The following E2F5 variants were observed in gnomAD, a reference collection of about 807,000 sequenced individuals.
The protein encoded by E2F5 is E2F transcription factor 5.
E2F5 carries 23 observed loss-of-function variants against 39.1 expected under a neutral mutation model. That is an observed-to-expected ratio of 0.59 (90% CI 0.42 to 0.83). The LOEUF is 0.83. E2F5 is among the 40% of genes least tolerant of loss of function. The pLI, the probability that E2F5 is intolerant of heterozygous loss-of-function variation, is 0.00. For missense variants in E2F5, 365 were observed against 406.7 expected, an observed-to-expected ratio of 0.90 and a Z score of 0.88; for synonymous variants, 145 against 157.8, an observed-to-expected ratio of 0.92 and a Z score of 0.61.
chr8:85,213,542 T>TAAAAAAA (rs536955367), intron 7 of E2F5: 3,419 of 121,068 alleles, frequency 0.028, 73 homozygotes, highest in South Asian at 0.05. Context: ...GACTCCATCT[T>TAAAAAAA]AAAAAAAAAA....
chr8:85,194,533 CTTTTTTTTT>C lies in E2F5; in HGVS notation c.235-7603_235-7595del. 6.3e-5 allele frequency among the ~76,000 whole-genome samples: 8 copies of C among 127,996 alleles called. 2 individuals are homozygous for C. The Admixed American group carries it at 6.3e-4, about 10-fold the overall frequency. The allele number at this position is 127,996 out of a possible 152,430, so 84.0% of individuals were successfully genotyped here. A position where few individuals can be genotyped will look rare whatever the true frequency, so the allele number is the denominator to read the frequency against. On this transcript the variant is annotated intron_variant, in intron 1 of 7. Transcript: ENST00000416274. Reference sequence around the variant, plus strand: ...CTTTGTTGTTTTTTTGTTTGTTTCTCTTTTTTTTTTTTTTTTTTTGAGACAGAGTCTCAC... The same window carrying C: ...CTTTGTTGTTTTTTTGTTTGTTTCTCTTTTTTTTTTGAGACAGAGTCTCAC...
Position 85,184,804 on chromosome 8 carries a change from A to G in E2F5, c.234+7150A>G, listed in dbSNP as rs190247235. Among the ~76,000 whole-genome samples the G allele has an allele frequency of 6.6e-5, 10 of 152,356 alleles. No homozygotes were observed. The East Asian group carries it at 1.5e-3, about 23-fold the overall frequency. On this transcript the variant is annotated intron_variant, in intron 1 of 7. Coordinates refer to ENST00000416274, the MANE Select transcript of E2F5 (RefSeq NM_001951.4). ...AAAATACCTAGGAATCCAACTTACA[A>G]GGGATGTGAAGGACCTCTTCAAGGA...
chr8:85,208,102 G>A (rs4150956), intron 5 of E2F5, among the ~76,000 whole-genome samples: 1,642 of 152,228 alleles, frequency 0.011, 21 homozygotes, highest in Admixed American at 0.019. Context: ...GCCAAGGCAG[G>A]TGGATCACTT....
chr8:85,212,416 T>C, intron 7 of E2F5: 1 of 512,586 alleles, frequency 2.0e-6, no homozygotes, highest in East Asian at 3.4e-5. Context: ...GGAATCCATA[T>C]GGGGATACTT....
At chr8:85,198,478 A>G (rs1229354351) in intron 1 of E2F5, among the ~76,000 whole-genome samples, 12 of 152,090 alleles carry the variant, frequency 7.9e-5, no homozygotes, top group Non-Finnish European at 1.8e-4. Flanking sequence ...AAATTTCTCC[A>G]TTAAGACTTT....
rs562515773 is a variant in E2F5 at position 85,206,145 on chromosome 8, T to C, written c.507-32T>C. 3.1e-6 allele frequency: 5 copies of C among 1,605,556 alleles called. No homozygotes were observed. In the African/African-American group the frequency reaches 5.3e-5, roughly 17 times the overall value. On this transcript the variant is annotated intron_variant, in intron 3 of 7. Coordinates refer to ENST00000416274, the MANE Select transcript of E2F5 (RefSeq NM_001951.4). Reference sequence around the variant, plus strand: ...TAATTTAAATGCCTACGGCTTGATATAAATGTCGTTCCTTAACTCCTATGA... The same window carrying C: ...TAATTTAAATGCCTACGGCTTGATACAAATGTCGTTCCTTAACTCCTATGA...
chr8:85,180,724 C>T (rs1182743835), intron 1 of E2F5, among the ~76,000 whole-genome samples: 3 of 147,910 alleles, frequency 2.0e-5, no homozygotes, highest in South Asian at 2.1e-4. Flanking sequence ...ACTACAGGCA[C>T]CCGCCATCAC....
chr8:85,206,063 G>A (rs867351140), intron 3 of E2F5, 114 bp from the exon 4 acceptor site: 1 of 937,640 alleles, frequency 1.1e-6, no homozygotes, highest in Middle Eastern at 2.8e-4. Context: ...GTCCATGTGT[G>A]GCAGTCCCTC....
chr8:85,212,372 AATTT>A lies in E2F5; in HGVS notation c.931+173_931+176del, dbSNP rs1276681401. 1.8e-5 allele frequency: 10 copies of A among 554,970 alleles called. No homozygotes were observed. The East Asian group carries it at 2.8e-4, about 16-fold the overall frequency. 34.4% of individuals were successfully genotyped at this position (554,970 alleles called of 1,614,324 possible). Reference sequence around the variant, plus strand: ...ACAGTAAGTAATAGGCAACCTTCAGAATTTATTTTTCTTTGCTTGCATTTTGAGG... The same window carrying A: ...ACAGTAAGTAATAGGCAACCTTCAGAATTTTTCTTTGCTTGCATTTTGAGG... On this transcript the variant is annotated intron_variant, in intron 7 of 7. Coordinates refer to ENST00000416274, the MANE Select transcript of E2F5 (RefSeq NM_001951.4).
chr8:85,212,212 G>A lies in E2F5; in HGVS notation c.931+8G>A. ...AGTTAATGTCTTCTGACGGTAAGTAGGTTAAAATTTTACTAACTCACTTAT... is the reference window on the plus strand; with the variant it reads ...AGTTAATGTCTTCTGACGGTAAGTAAGTTAAAATTTTACTAACTCACTTAT... On this transcript the variant is annotated splice_region_variant and intron_variant, in intron 7 of 7. Transcript: ENST00000416274. The A allele has an allele frequency of 6.2e-7, 1 of 1,600,120 alleles. No individual in the cohort carries two copies.
intron 1 of E2F5, among the ~76,000 whole-genome samples, chr8:85,197,300 A>T (rs2129698457): frequency 6.6e-6 from 1 of 152,342 alleles, no homozygotes; most frequent in African/African-American, 2.4e-5. Context: ...GGTCCATCAG[A>T]AGAACAAGCC....
intron 3 of E2F5, 135 bp downstream of exon 3, chr8:85,203,390 T>C (rs1008801300): frequency 7.3e-6 from 4 of 547,752 alleles, no homozygotes; most frequent in Non-Finnish European, 1.1e-5. Context: ...TTAATTTTAT[T>C]ATATTCTTAT....
chr8:85,199,300 G>A (rs1274701003), intron 1 of E2F5, among the ~76,000 whole-genome samples: 1 of 151,970 alleles, frequency 6.6e-6, no homozygotes, highest in Non-Finnish European at 1.5e-5. Flanking sequence ...ATTCACAGGG[G>A]TCTCCTACTC....
At position 85,214,150 on chromosome 8, in the gene E2F5, T is replaced by C. The variant is rs1587506510; in HGVS notation, c.*288T>C. On this transcript the variant is annotated 3_prime_UTR_variant, in exon 8 of 8. Transcript: ENST00000416274. ...TCTAATTGTGAATCCTTCTGTTTTT[T>C]CTTCTTAAGGAGGAAAGTTAAAGGA... is the stretch of plus-strand genomic sequence containing the variant. 1 of 541,332 alleles carries C rather than the reference T, an allele frequency of 1.8e-6. No homozygotes were observed. Among genetic ancestry groups the C allele is most frequent in the Admixed American group, 2.3e-5 (1 of 44,320 alleles). The allele number at this position is 541,332 out of a possible 1,614,324, so 33.5% of individuals were successfully genotyped here. A position where few individuals can be genotyped will look rare whatever the true frequency, so the allele number is the denominator to read the frequency against.
In E2F5 at chr8:85,177,268, C is replaced by T. The variant is rs941298685; in HGVS notation, c.-153C>T. On this transcript the variant is annotated 5_prime_UTR_variant, in exon 1 of 8. Coordinates refer to ENST00000416274, the MANE Select transcript of E2F5 (RefSeq NM_001951.4). ...AAGCGGCCCAGACTCCCGTGGGCGC[C>T]GCACACCTGTTGTTTGCAGCAGCCA... The T allele has an allele frequency of 2.2e-5, 13 of 600,490 alleles. No individual in the cohort carries two copies. The highest frequency in any genetic ancestry group is 8.1e-4 in the Middle Eastern group (1 of 1,228). The allele number at this position is 600,490 out of a possible 1,614,324, so 37.2% of individuals were successfully genotyped here. A position where few individuals can be genotyped will look rare whatever the true frequency, so the allele number is the denominator to read the frequency against.
chr8:85,180,523 T>C (rs1293742419), intron 1 of E2F5, among the ~76,000 whole-genome samples: 1 of 6,806 alleles, frequency 1.5e-4, no homozygotes, highest in South Asian at 3.1e-3. Context: ...TATATATATA[T>C]ATATATATAT....
At chr8:85,179,021 T>C (rs1285870196) in intron 1 of E2F5, among the ~76,000 whole-genome samples, 2 of 152,262 alleles carry the variant, frequency 1.3e-5, no homozygotes, top group East Asian at 1.9e-4. Flanking sequence ...AAATTCCTTG[T>C]TCTCTTTTTT....
intron 1 of E2F5, among the ~76,000 whole-genome samples, chr8:85,189,343 G>A (rs532780993): frequency 6.6e-6 from 1 of 152,100 alleles, no homozygotes; most frequent in South Asian, 2.1e-4. Context: ...TTATAGCTGA[G>A]ATCAAATGTT....
At chr8:85,210,762 C>G (rs1434253957) in intron 6 of E2F5, among the ~76,000 whole-genome samples, 3 of 151,718 alleles carry the variant, frequency 2.0e-5, no homozygotes, top group Non-Finnish European at 2.9e-5. Context: ...TGGGTTTTAC[C>G]TGGGTTAGCT....
Sources: allele counts gnomAD v4.1 joint callset (sites outside exome capture counted in the v4.1 genomes callset), GRCh38; gene constraint gnomAD v4.1.1; transcripts MANE v1.5; gene names NCBI Gene and HGNC (gene_info 2026-07-23, HGNC 2026-07-21).